The following C7orf78 variants were observed in gnomAD, a reference collection of about 807,000 sequenced individuals.
C7orf78 encodes chromosome 7 open reading frame 78.
At chr7:12,535,939 C>T in the C7orf78 span, among the ~76,000 whole-genome samples, 1 of 152,232 alleles carries the variant, frequency 6.6e-6, no homozygotes, top group East Asian at 1.9e-4. Context: ...AGCTCCACTC[C>T]TGTGGCTTTG....
the C7orf78 span, among the ~76,000 whole-genome samples, chr7:12,529,729 G>C: frequency 2.6e-5 from 4 of 152,182 alleles, no homozygotes; most frequent in Admixed American, 2.6e-4. Flanking sequence ...TGCATGGTGG[G>C]CAAGCCCCAA....
At chr7:12,539,463 CAAAAAACA>C in the C7orf78 span, among the ~76,000 whole-genome samples, 8 of 151,824 alleles carry the variant, frequency 5.3e-5, no homozygotes, top group South Asian at 4.2e-4. Context: ...GACTCTGTCT[CAAAAAACA>C]AAAAAACAAA....
At chr7:12,512,486 A>G in the C7orf78 span, among the ~76,000 whole-genome samples, 1 of 152,138 alleles carries the variant, frequency 6.6e-6, no homozygotes, top group Non-Finnish European at 1.5e-5. Context: ...GTGATGTATT[A>G]TGTTTACTGA....
chr7:12,496,215 T>C, the C7orf78 span, among the ~76,000 whole-genome samples: 1 of 152,118 alleles, frequency 6.6e-6, no homozygotes, highest in Admixed American at 6.6e-5. Flanking sequence ...GTGAGCCACC[T>C]CGTCTGGCTG....
At chr7:12,505,932 C>T in the C7orf78 span, 2 of 151,996 alleles carry the variant, frequency 1.3e-5, no homozygotes, top group African/African-American at 4.8e-5. Context: ...ATAATAAATT[C>T]ATAATATAAG....
the C7orf78 span, among the ~76,000 whole-genome samples, chr7:12,526,250 C>T: frequency 6.6e-6 from 1 of 152,064 alleles, no homozygotes; most frequent in South Asian, 2.1e-4. Flanking sequence ...GTTTCCTTAT[C>T]TGGAAATGCA....
chr7:12,519,693 T>C, the C7orf78 span, among the ~76,000 whole-genome samples: 156 of 152,308 alleles, frequency 1.0e-3, 2 homozygotes, highest in East Asian at 0.02. Flanking sequence ...GGCCACCTCC[T>C]TGGTGTGCTG....
At chr7:12,533,548 G>A in the C7orf78 span, among the ~76,000 whole-genome samples, 1,555 of 132,620 alleles carry the variant, frequency 0.012, 16 homozygotes, top group Middle Eastern at 0.022. Context: ...ATGGAGTCTC[G>A]CTCTGTTGCT....
chr7:12,518,763 T>C, the C7orf78 span, among the ~76,000 whole-genome samples: 1 of 152,028 alleles, frequency 6.6e-6, no homozygotes, highest in Non-Finnish European at 1.5e-5. Context: ...AGTAGGCAGG[T>C]TGAGACAGTC....
At chr7:12,508,400 A>G in the C7orf78 span, among the ~76,000 whole-genome samples, 1 of 152,020 alleles carries the variant, frequency 6.6e-6, no homozygotes, top group Admixed American at 6.6e-5. Flanking sequence ...TTTCATTGGA[A>G]AAAAAATCAG....
the C7orf78 span, among the ~76,000 whole-genome samples, chr7:12,536,806 C>CG: frequency 9.2e-5 from 14 of 152,216 alleles, no homozygotes; most frequent in African/African-American, 2.9e-4. Flanking sequence ...GTCTCTAGGC[C>CG]GGGGGCAAAA....
chr7:12,532,399 A>AT, the C7orf78 span, among the ~76,000 whole-genome samples: 24 of 152,134 alleles, frequency 1.6e-4, 1 homozygote, highest in Admixed American at 8.5e-4. Context: ...AATACAAAAA[A>AT]TTAGCTGGGT....
the C7orf78 span, among the ~76,000 whole-genome samples, chr7:12,519,310 C>T: frequency 6.6e-6 from 1 of 152,176 alleles, no homozygotes; most frequent in Non-Finnish European, 1.5e-5. Context: ...ACTCACAGCC[C>T]CAGACAAGCA....
At chr7:12,514,927 C>T in the C7orf78 span, among the ~76,000 whole-genome samples, 2 of 152,124 alleles carry the variant, frequency 1.3e-5, no homozygotes, top group Non-Finnish European at 2.9e-5. Flanking sequence ...TTTCTTTTAG[C>T]ACTCTGAACA....
At chr7:12,513,226 CT>C in the C7orf78 span, among the ~76,000 whole-genome samples, 1 of 146,722 alleles carries the variant, frequency 6.8e-6, no homozygotes, top group Non-Finnish European at 1.5e-5. Context: ...CTGTCTTTCT[CT>C]CTTTCTTTCC....
chr7:12,517,609 G>T, the C7orf78 span, among the ~76,000 whole-genome samples: 1 of 151,900 alleles, frequency 6.6e-6, no homozygotes, highest in Admixed American at 6.6e-5. Context: ...GTCTGACTGG[G>T]TTATTTCAAA....
At chr7:12,519,945 T>C in the C7orf78 span, among the ~76,000 whole-genome samples, 12,392 of 152,228 alleles carry the variant, frequency 0.081, 718 homozygotes, top group African/African-American at 0.17. Flanking sequence ...CTCAGGAGTG[T>C]GTGTGACCCA....
At chr7:12,502,509 A>G in the C7orf78 span, among the ~76,000 whole-genome samples, 23,596 of 149,994 alleles carry the variant, frequency 0.16, 2,222 homozygotes, top group South Asian at 0.23. Flanking sequence ...CCATCAGAGA[A>G]ATGCAAATCA....
chr7:12,509,958 C>A, the C7orf78 span, among the ~76,000 whole-genome samples: 13,512 of 150,396 alleles, frequency 0.09, 811 homozygotes, highest in Non-Finnish European at 0.13. Flanking sequence ...CACTTGAACC[C>A]GGGAGGCAGA....
Sources: allele counts gnomAD v4.1 joint callset (sites outside exome capture counted in the v4.1 genomes callset), GRCh38; gene constraint gnomAD v4.1.1; transcripts MANE v1.5; gene names NCBI Gene and HGNC (gene_info 2026-07-23, HGNC 2026-07-21).